Variants in IGFBP6 observed in about 807,000 individuals in gnomAD.
IGFBP6 encodes the protein insulin-like growth factor-binding protein 6.
A neutral mutation model predicts 24.5 loss-of-function variants in IGFBP6; 24 were observed. The ratio of observed to expected loss-of-function variants is 0.98; its 90% CI spans 0.71 to 1.38. The LOEUF is 1.38. Among genes scored for constraint, IGFBP6 ranks in the 40% most tolerant of loss-of-function variants. IGFBP6 has a pLI of 0.00. For missense variants in IGFBP6, 331 were observed against 324.8 expected, an observed-to-expected ratio of 1.02 and a Z score of -0.15; for synonymous variants, 147 against 137.4, an observed-to-expected ratio of 1.07 and a Z score of -0.49.
intron 2 of IGFBP6, 51 bp from the exon 3 acceptor site, chr12:53,100,990 A>G (rs1401071925): frequency 1.2e-6 from 2 of 1,606,776 alleles, no homozygotes; most frequent in South Asian, 2.2e-5. Context: ...GAAGGTTGGA[A>G]TGGGGAGCTG....
Position 53,097,916 on chromosome 12 carries a change from G to T in IGFBP6, c.199G>T (p.Glu67Ter). ...GGAAGCTGAGGGCTGTCTCAGGAGG[G>T]AGGGGCAGGAGTGCGGGGTCTACAC... ...CAEAEGCLRR[E>*]GQECGVYTPN... Residue 67 changes from glutamate (E) to a stop codon, truncating the protein, a stop_gained, in exon 1 of 4, where the codon GAG (glutamate) becomes TAG (stop). Coordinates refer to ENST00000301464, the MANE Select transcript of IGFBP6 (RefSeq NM_002178.3). LOFTEE classifies it high-confidence loss of function. The T allele has an allele frequency of 6.6e-7, 1 of 1,514,250 alleles. No individual in the cohort carries two copies. 93.8% of individuals were successfully genotyped at this position (1,514,250 alleles called of 1,614,324 possible). A position where few individuals can be genotyped will look rare whatever the true frequency, so the allele number is the denominator to read the frequency against.
Position 53,100,666 on chromosome 12 carries a change from G to T in IGFBP6, c.335-46G>T, listed in dbSNP as rs779289015. 7 of 1,607,828 alleles carry T rather than the reference G, an allele frequency of 4.4e-6. No homozygotes were observed. The South Asian group carries it at 7.7e-5, about 18-fold the overall frequency. On this transcript the variant is annotated intron_variant, in intron 1 of 3. Transcript: ENST00000301464. Reference sequence around the variant, plus strand: ...ATGTGGGCAAGGCCCTTCTCCACATGGCTCTGCCTGATTTCTGACCTCTCC... The same window carrying T: ...ATGTGGGCAAGGCCCTTCTCCACATTGCTCTGCCTGATTTCTGACCTCTCC...
chr12:53,099,171 A>G (rs1937786532), intron 1 of IGFBP6: 1 of 366,556 alleles, frequency 2.7e-6, no homozygotes, highest in Non-Finnish European at 5.9e-6. Flanking sequence ...AGGGGTTCTG[A>G]TATCTGATTA....
rs749537120 is a variant in IGFBP6, at chr12:53,097,743, C to CGCTGCTGCT, written c.33_41dup (p.Leu12_Leu14dup). 1 of 1,543,854 alleles carries CGCTGCTGCT rather than the reference C, an allele frequency of 6.5e-7. No homozygotes were observed. The highest frequency in any genetic ancestry group is 1.2e-5 in the South Asian group (1 of 83,894). ...ATGACCCCCCACAGGCTGCTGCCAC[C>CGCTGCTGCT]GCTGCTGCTGCTGCTAGCTCTGCTG... On this transcript the variant is annotated inframe_insertion, in exon 1 of 4. Coordinates refer to ENST00000301464, the MANE Select transcript of IGFBP6 (RefSeq NM_002178.3).
chr12:53,098,072 T>A, intron 1 of IGFBP6, 21 bp downstream of exon 1: 1 of 1,409,070 alleles, frequency 7.1e-7, no homozygotes, highest in South Asian at 1.5e-5. Context: ...GCCCCGCCCC[T>A]GCCCCGCCCA....
At chr12:53,101,229 T>C in intron 3 of IGFBP6, 69 bp downstream of exon 3, 1 of 1,530,284 alleles carries the variant, frequency 6.5e-7, no homozygotes, top group East Asian at 2.3e-5. Flanking sequence ...GCGGTGCTGC[T>C]TACAAAGCTG....
At position 53,100,759 on chromosome 12, in the gene IGFBP6, C is replaced by CGCCCA. The variant is rs760024352; in HGVS notation, c.383_387dup (p.Gln130AlafsTer5). The CGCCCA allele has an allele frequency of 1.2e-6, 2 of 1,614,150 alleles. No homozygotes were observed. Among genetic ancestry groups the CGCCCA allele is most frequent in the Non-Finnish European group, 1.7e-6 (2 of 1,180,002 alleles). On this transcript the variant is annotated frameshift_variant, in exon 2 of 4. Transcript: ENST00000301464. LOFTEE classifies it high-confidence loss of function. ...GAGTAAACCCCAAGCAGGCACTGCC[C>CGCCCA]GCCCACAGGATGTGAACCGCAGAGA...
intron 1 of IGFBP6, 22 bp from the exon 2 acceptor site, chr12:53,100,690 C>G: frequency 1.9e-6 from 3 of 1,613,568 alleles, no homozygotes; most frequent in Non-Finnish European, 2.5e-6. Context: ...TCTGACCTCT[C>G]CTTCTCCTAT....
Position 53,098,014 on chromosome 12 carries a change from C to A in IGFBP6, c.297C>A (p.Leu99=), listed in dbSNP as rs1336687521. 3.3e-6 allele frequency: 5 copies of A among 1,501,904 alleles called. No homozygotes were observed. The highest frequency in any genetic ancestry group is 2.6e-5 in the East Asian group (1 of 37,836). The allele number at this position is 1,501,904 out of a possible 1,614,324, so 93.0% of individuals were successfully genotyped here. ...DDEAPLRALL[L]GRGRCLPARA... is the part of the protein sequence containing the mutation. ...AGGCGCCTTTGCGGGCGCTGCTGCT[C>A]GGCCGAGGCCGCTGCCTTCCGGCCC... is the stretch of plus-strand genomic sequence containing the variant. The change falls in exon 1 of 4, where the codon CTC becomes CTA. Residue 99 remains leucine (L), a synonymous_variant. Coordinates refer to ENST00000301464, the MANE Select transcript of IGFBP6 (RefSeq NM_002178.3).
At chr12:53,098,855 C>G (rs1166913532) in intron 1 of IGFBP6, 1 of 152,664 alleles carries the variant, frequency 6.6e-6, no homozygotes, top group Non-Finnish European at 1.5e-5. Context: ...ACTGCGCATC[C>G]CAGAGGCTCT....
At chr12:53,098,085 T>C in intron 1 of IGFBP6, 34 bp downstream of exon 1, 1 of 1,396,314 alleles carries the variant, frequency 7.2e-7, no homozygotes, top group Non-Finnish European at 9.2e-7. Flanking sequence ...CCCGCCCACG[T>C]GAGACCCGCG....
At position 53,097,945 on chromosome 12, in the gene IGFBP6, T is replaced by C; in HGVS notation, c.228T>C (p.Pro76=). The change falls in exon 1 of 4, where the codon CCT becomes CCC. Residue 76 remains proline (P), a synonymous_variant. Coordinates refer to ENST00000301464, the MANE Select transcript of IGFBP6 (RefSeq NM_002178.3). ...REGQECGVYT[P]NCAPGLQCHP... is the part of the protein sequence containing the mutation. ...GGCAGGAGTGCGGGGTCTACACCCC[T>C]AACTGCGCCCCAGGACTGCAGTGCC... 6.6e-7 allele frequency: 1 copy of C among 1,512,450 alleles called. No homozygotes were observed. The highest frequency in any genetic ancestry group is 8.8e-7 in the Non-Finnish European group (1 of 1,134,880). 93.7% of individuals were successfully genotyped at this position (1,512,450 alleles called of 1,614,324 possible). A position where few individuals can be genotyped will look rare whatever the true frequency, so the allele number is the denominator to read the frequency against.
intron 1 of IGFBP6, among the ~76,000 whole-genome samples, chr12:53,099,803 A>AATTTTTTAAAATTAAGTAATTAG (rs1565623552): frequency 6.5e-5 from 9 of 139,042 alleles, no homozygotes; most frequent in South Asian, 2.2e-4. Flanking sequence ...TAAGTAATTA[A>AATTTTTTAAAATTAAGTAATTAG]TTAATTTTTT....
chr12:53,099,837 T>TAA lies in IGFBP6; in HGVS notation c.335-874_335-873dup, dbSNP rs1465186089. 4.1e-5 allele frequency among the ~76,000 whole-genome samples: 6 copies of TAA among 147,194 alleles called. No individual in the cohort carries two copies. In the South Asian group the frequency reaches 1.3e-3, roughly 31 times the overall value. ...TTAAAATTAAGTAGTTAATTTTTTT[T>TAA]AATTAAGTAATTAATTAATTTTAAA... is the stretch of plus-strand genomic sequence containing the variant. On this transcript the variant is annotated intron_variant, in intron 1 of 3. Coordinates refer to ENST00000301464, the MANE Select transcript of IGFBP6 (RefSeq NM_002178.3).
At chr12:53,098,787 T>C (rs1937782748) in intron 1 of IGFBP6, 1 of 151,998 alleles carries the variant, frequency 6.6e-6, no homozygotes, top group Admixed American at 6.6e-5. Context: ...GGGACAGAAG[T>C]GAATCAGCCG....
intron 3 of IGFBP6, among the ~76,000 whole-genome samples, chr12:53,101,669 G>A (rs1170223157): frequency 6.6e-6 from 1 of 152,120 alleles, no homozygotes; most frequent in African/African-American, 2.4e-5. Flanking sequence ...GGAGGCCAAG[G>A]CTGGTGGATC....
At position 53,102,257 on chromosome 12, in the gene IGFBP6, A is replaced by G. The variant is rs377139551; in HGVS notation, c.*90A>G. ...AAACCGAGGCCCTCAATCCACCTTC[A>G]GGCCCCGCCCCATGGGCCCCTCACC... On this transcript the variant is annotated 3_prime_UTR_variant, in exon 4 of 4. Transcript: ENST00000301464. 4.8e-6 allele frequency: 7 copies of G among 1,472,628 alleles called. No homozygotes were observed. Among genetic ancestry groups the G allele is most frequent in the East Asian group, 2.3e-5 (1 of 42,658 alleles). 91.2% of individuals were successfully genotyped at this position (1,472,628 alleles called of 1,614,324 possible).
intron 1 of IGFBP6, among the ~76,000 whole-genome samples, chr12:53,099,571 CCTACATCCGTTGCTCTT>C (rs1937793463): frequency 6.6e-6 from 1 of 152,170 alleles, no homozygotes; most frequent in Admixed American, 6.5e-5. Flanking sequence ...TGGCCCCCCT[CCTACATCCGTTGCTCTT>C]CTGCCCCAGC....
chr12:53,099,762 A>T (rs1937796318), intron 1 of IGFBP6, among the ~76,000 whole-genome samples: 2 of 151,910 alleles, frequency 1.3e-5, no homozygotes, highest in East Asian at 1.9e-4. Context: ...TTAATTTTTT[A>T]AAATTAAGTA....
Sources: gnomAD v4.1 joint callset for allele counts (sites outside exome capture counted in the v4.1 genomes callset) on GRCh38, gnomAD v4.1.1 for gene constraint, MANE v1.5 for transcripts, NCBI Gene and HGNC (gene_info 2026-07-23, HGNC 2026-07-21) for gene names.